GRIN3A: variants seen among roughly 807,000 people sequenced by gnomAD.
GRIN3A encodes the protein glutamate receptor ionotropic, NMDA 3A.
In GRIN3A, 47 loss-of-function variants were observed where a neutral mutation model predicts 92.4. The ratio of observed to expected loss-of-function variants is 0.51; its 90% confidence interval spans 0.40 to 0.65. GRIN3A has a LOEUF of 0.65. Ranked by LOEUF, GRIN3A falls within the 30% of genes least tolerant of loss-of-function variation. The pLI is 0.00. For missense variants in GRIN3A, 1,324 were observed against 1,393.1 expected, an observed-to-expected ratio of 0.95 and a Z score of 0.79; for synonymous variants, 527 against 540.6, an observed-to-expected ratio of 0.97 and a Z score of 0.35.
chr9:101,575,746 G>A (rs760291054), intron 8 of GRIN3A, among the ~76,000 whole-genome samples: 1 of 152,178 alleles, frequency 6.6e-6, no homozygotes. Context: ...GTTGTAGCAT[G>A]CATGAGCATT....
At chr9:101,574,303 A>C (rs1034069441) in intron 8 of GRIN3A, among the ~76,000 whole-genome samples, 1 of 152,204 alleles carries the variant, frequency 6.6e-6, no homozygotes, top group African/African-American at 2.4e-5. Context: ...TCTGAAATAC[A>C]CTTTGATACT....
chr9:101,701,189 T>C (rs952959705), intron 1 of GRIN3A, among the ~76,000 whole-genome samples: 1 of 152,334 alleles, frequency 6.6e-6, no homozygotes, highest in African/African-American at 2.4e-5. Flanking sequence ...AGAATTAGTT[T>C]CTGAAGTGCC....
chr9:101,615,193 G>T (rs1828427189), intron 5 of GRIN3A, among the ~76,000 whole-genome samples: 2 of 117,790 alleles, frequency 1.7e-5, no homozygotes, highest in South Asian at 2.6e-4. Flanking sequence ...GGACAGAATA[G>T]TAAAAAAAAA....
In GRIN3A at chr9:101,737,728, C is replaced by T. The variant is rs772410050; in HGVS notation, c.252G>A (p.Gly84=). 9.2e-6 allele frequency: 14 copies of T among 1,528,364 alleles called. No individual in the cohort carries two copies. The highest frequency in any genetic ancestry group is 1.2e-5 in the Non-Finnish European group (14 of 1,143,716). The allele number at this position is 1,528,364 out of a possible 1,614,324, so 94.7% of individuals were successfully genotyped here. A position where few individuals can be genotyped will look rare whatever the true frequency, so the allele number is the denominator to read the frequency against. Residue 84 remains glycine (G), a synonymous_variant, in exon 1 of 9, where the codon GGG becomes GGA. Transcript: ENST00000361820. ...GCGAGGGCGCCGGGGACCGCCTAGT[C>T]CCTGGCTCCGGCTCATCCCTCTGGG... ...AGAQRDEPEP[G]TRRSPAPSPG... is the part of the protein sequence containing the mutation.
At chr9:101,698,677 T>C (rs1159592901) in intron 1 of GRIN3A, among the ~76,000 whole-genome samples, 4 of 152,200 alleles carry the variant, frequency 2.6e-5, no homozygotes, top group South Asian at 2.1e-4. Flanking sequence ...TATTTATTTA[T>C]GTATTTTTGA....
Position 101,670,323 on chromosome 9 carries a change from A to AT in GRIN3A, c.2088dup (p.Trp697MetfsTer14), listed in dbSNP as rs1332120987. ...GGAGTCAAACCAAATGGACTCTTCCATTCATACAGAGTGAGGAAGACGGCA... is the reference window on the plus strand; with the variant it reads ...GGAGTCAAACCAAATGGACTCTTCCATTTCATACAGAGTGAGGAAGACGGCA... On this transcript the variant is annotated frameshift_variant, in exon 3 of 9. Coordinates refer to ENST00000361820, the MANE Select transcript of GRIN3A (RefSeq NM_133445.3). LOFTEE classifies it high-confidence loss of function. The AT allele has an allele frequency of 6.2e-7, 1 of 1,613,950 alleles. No homozygotes were observed. Among genetic ancestry groups the AT allele is most frequent in the Non-Finnish European group, 8.5e-7 (1 of 1,179,978 alleles).
chr9:101,628,179 A>G lies in GRIN3A; in HGVS notation c.2498+77T>C, dbSNP rs534485134. ...TATTCATCTGTCATTTTCAGAAACT[A>G]ACATATACTGCGTCAGTAGCTAAAT... is the stretch of plus-strand genomic sequence containing the variant. On this transcript the variant is annotated intron_variant, in intron 4 of 8. Transcript: ENST00000361820. 4.8e-6 allele frequency: 7 copies of G among 1,445,572 alleles called. No homozygotes were observed. In the South Asian group the frequency reaches 8.0e-5, roughly 17 times the overall value. 89.5% of individuals were successfully genotyped at this position (1,445,572 alleles called of 1,614,324 possible). A position where few individuals can be genotyped will look rare whatever the true frequency, so the allele number is the denominator to read the frequency against.
chr9:101,690,370 T>G (rs1390465483), intron 1 of GRIN3A, among the ~76,000 whole-genome samples: 1 of 152,202 alleles, frequency 6.6e-6, no homozygotes, highest in African/African-American at 2.4e-5. Context: ...CTCTACTCCA[T>G]TAATTTTGCA....
chr9:101,646,136 A>C (rs1252122787), intron 3 of GRIN3A, among the ~76,000 whole-genome samples: 1 of 151,842 alleles, frequency 6.6e-6, no homozygotes, highest in East Asian at 1.9e-4. Flanking sequence ...ATCTTACCCA[A>C]AAAATCTGCC....
intron 3 of GRIN3A, among the ~76,000 whole-genome samples, chr9:101,634,444 TAATAA>T (rs952637574): frequency 6.6e-6 from 1 of 150,528 alleles, no homozygotes; most frequent in Non-Finnish European, 1.5e-5. Flanking sequence ...TATATAATAA[TAATAA>T]AATAACAGCT....
chr9:101,633,214 C>T (rs564494156), intron 3 of GRIN3A, among the ~76,000 whole-genome samples: 9 of 152,284 alleles, frequency 5.9e-5, no homozygotes, highest in East Asian at 3.9e-4. Context: ...CATTTAAGGT[C>T]TTCATCTGTA....
At chr9:101,617,725 G>A (rs62577397) in intron 5 of GRIN3A, among the ~76,000 whole-genome samples, 10,541 of 149,422 alleles carry the variant, frequency 0.071, 483 homozygotes, top group Middle Eastern at 0.11. Context: ...GTAGACATGT[G>A]CCACGCTGGT....
intron 6 of GRIN3A, among the ~76,000 whole-genome samples, chr9:101,590,677 G>T (rs754959728): frequency 1.9e-4 from 29 of 152,058 alleles, no homozygotes; most frequent in Non-Finnish European, 3.7e-4. Flanking sequence ...ACCGCGCCCG[G>T]CCAACACTCT....
intron 1 of GRIN3A, among the ~76,000 whole-genome samples, chr9:101,712,364 T>A (rs576951844): frequency 1.3e-5 from 2 of 152,272 alleles, no homozygotes; most frequent in African/African-American, 4.8e-5. Context: ...AACTACAGAG[T>A]GCAATTCTTC....
chr9:101,679,457 G>C (rs1829440513), intron 2 of GRIN3A, among the ~76,000 whole-genome samples: 1 of 152,064 alleles, frequency 6.6e-6, no homozygotes. Context: ...TACCTTATGT[G>C]AGTCCCCCCG....
chr9:101,646,288 A>T, intron 3 of GRIN3A, among the ~76,000 whole-genome samples: 1 of 151,784 alleles, frequency 6.6e-6, no homozygotes, highest in Non-Finnish European at 1.5e-5. Context: ...TCTTCTCCAT[A>T]TGGAGATCCA....
intron 1 of GRIN3A, among the ~76,000 whole-genome samples, chr9:101,734,812 G>C (rs62577460): frequency 0.14 from 21,046 of 151,914 alleles, 2,720 homozygotes; most frequent in African/African-American, 0.32. Context: ...TTACTTGGTT[G>C]TGTGAAAAAG....
At chr9:101,594,334 G>T in intron 6 of GRIN3A, 1 of 1,501,598 alleles carries the variant, frequency 6.7e-7, no homozygotes, top group Non-Finnish European at 8.9e-7. Flanking sequence ...AGAGACAGTT[G>T]GACGTCTTGA....
intron 5 of GRIN3A, among the ~76,000 whole-genome samples, chr9:101,619,462 T>G (rs1441676883): frequency 1.3e-5 from 2 of 152,222 alleles, no homozygotes; most frequent in African/African-American, 4.8e-5. Flanking sequence ...AATAATAATT[T>G]GTTGAGCACT....
Sources: allele counts gnomAD v4.1 joint callset (sites outside exome capture counted in the v4.1 genomes callset), GRCh38; gene constraint gnomAD v4.1.1; transcripts MANE v1.5; gene names NCBI Gene and HGNC (gene_info 2026-07-23, HGNC 2026-07-21).